Variants in CIB1 observed in about 807,000 individuals in gnomAD.
CIB1 encodes the protein calcium and integrin binding 1, also known as calcium and integrin-binding protein 1.
CIB1 carries 19 observed loss-of-function variants against 25.0 expected under a neutral mutation model. The ratio of observed to expected loss-of-function variants is 0.76; its 90% confidence interval spans 0.53 to 1.12. The LOEUF is 1.12. Among genes scored for constraint, CIB1 ranks in the 50% most tolerant of loss-of-function variants. CIB1 has a pLI of 0.00. For synonymous variants in CIB1, 104 were observed against 98.5 expected, an observed-to-expected ratio of 1.06 and a Z score of -0.33; for missense variants, 236 against 242.6, an observed-to-expected ratio of 0.97 and a Z score of 0.18.
the CIB1 span, chr15:90,262,199 G>T: frequency 1.3e-6 from 2 of 1,526,002 alleles, no homozygotes; most frequent in South Asian, 2.4e-5. Flanking sequence ...CAGGTACTTT[G>T]ACCGACATTC....
chr15:90,264,760 C>T, the CIB1 span: 1 of 1,536,112 alleles, frequency 6.5e-7, no homozygotes, highest in African/African-American at 1.4e-5. Flanking sequence ...TAAACCGAGT[C>T]CTGGCAGGAT....
upstream of CIB1, among the ~76,000 whole-genome samples, chr15:90,235,810 C>T (rs976440066): frequency 6.6e-6 from 1 of 152,028 alleles, no homozygotes; most frequent in Admixed American, 6.5e-5. Flanking sequence ...CCTCGTGATT[C>T]GCCCACCTCG....
chr15:90,249,544 C>G, the CIB1 span: 1 of 152,260 alleles, frequency 6.6e-6, no homozygotes, highest in Admixed American at 6.5e-5. Flanking sequence ...CGGCGGCGGC[C>G]ACGGGCTTGC....
chr15:90,232,558 C>T, intron 2 of CIB1: 1 of 524,574 alleles, frequency 1.9e-6, no homozygotes, highest in Non-Finnish European at 3.0e-6. Context: ...GTGCTTGGCA[C>T]TGATTCTAGA....
At position 90,230,274 on chromosome 15, in the gene CIB1, G is replaced by T; in HGVS notation, c.*210C>A. On this transcript the variant is annotated 3_prime_UTR_variant, in exon 7 of 7. Transcript: ENST00000328649. ...GTCAAACTTCTAAACCTTTATTACTGATTAGTACAAACACAAACGGAGCAA... is the reference window on the plus strand; with the variant it reads ...GTCAAACTTCTAAACCTTTATTACTTATTAGTACAAACACAAACGGAGCAA... 1 of 613,484 alleles carries T rather than the reference G, an allele frequency of 1.6e-6. No individual in the cohort carries two copies. The allele number at this position is 613,484 out of a possible 1,614,324, so 38.0% of individuals were successfully genotyped here. A position where few individuals can be genotyped will look rare whatever the true frequency, so the allele number is the denominator to read the frequency against.
the CIB1 span, chr15:90,240,816 A>G: frequency 4.3e-6 from 4 of 922,846 alleles, no homozygotes; most frequent in Non-Finnish European, 6.4e-6. Flanking sequence ...TCCATCTCAA[A>G]AAAAAAAATA....
intron 3 of CIB1, 30 bp downstream of exon 3, chr15:90,232,189 A>T (rs772241496): frequency 2.6e-6 from 4 of 1,548,890 alleles, no homozygotes; most frequent in Non-Finnish European, 3.6e-6. Flanking sequence ...GAGTGGTGGG[A>T]GAGGTGTCAA....
chr15:90,256,610 CTTCCTTCCTTCCTTCCTTCCTTCCT>C, the CIB1 span, among the ~76,000 whole-genome samples: 1 of 40,418 alleles, frequency 2.5e-5, no homozygotes. Context: ...TCTTTCTTTC[CTTCCTTCCTTCCTTCCTTCCTTCCT>C]TCCTTCTTTC....
At chr15:90,246,536 A>T in the CIB1 span, among the ~76,000 whole-genome samples, 2 of 151,908 alleles carry the variant, frequency 1.3e-5, no homozygotes, top group East Asian at 1.9e-4. Context: ...CTGTAATCCC[A>T]GCAGCACTTT....
At chr15:90,263,249 CA>C in the CIB1 span, 13 of 1,092,744 alleles carry the variant, frequency 1.2e-5, no homozygotes, top group East Asian at 3.1e-4. Context: ...TGGTATCTGT[CA>C]GTGGAGCCTG....
the CIB1 span, chr15:90,258,166 G>A: frequency 5.0e-6 from 8 of 1,614,084 alleles, no homozygotes; most frequent in East Asian, 4.5e-5. Context: ...CACAACTACC[G>A]AACCTGTTTT....
chr15:90,260,702 T>G, the CIB1 span, among the ~76,000 whole-genome samples: 3 of 151,196 alleles, frequency 2.0e-5, no homozygotes, highest in Non-Finnish European at 4.4e-5. Context: ...AATACAAAAA[T>G]TAGCTGGGCG....
the CIB1 span, chr15:90,265,348 T>G: frequency 1.6e-6 from 2 of 1,218,922 alleles, no homozygotes; most frequent in Non-Finnish European, 2.1e-6. Context: ...GCTGTCGCCG[T>G]CAGAAGACTG....
At position 90,230,234 on chromosome 15, in the gene CIB1, C is replaced by T. The variant is rs1207800999; in HGVS notation, c.*250G>A. ...AGTCCTTCCTCATACCAGTGTATCT[C>T]ATGTCACACATAGGGTCAAACTTCT... On this transcript the variant is annotated 3_prime_UTR_variant, in exon 7 of 7. Transcript: ENST00000328649. 1.8e-6 allele frequency: 1 copy of T among 566,396 alleles called. No homozygotes were observed. The highest frequency in any genetic ancestry group is 1.9e-5 in the African/African-American group (1 of 52,996). 35.1% of individuals were successfully genotyped at this position (566,396 alleles called of 1,614,324 possible). A position where few individuals can be genotyped will look rare whatever the true frequency, so the allele number is the denominator to read the frequency against.
the CIB1 span, chr15:90,263,127 A>G: frequency 6.5e-7 from 1 of 1,527,260 alleles, no homozygotes; most frequent in East Asian, 2.4e-5. Flanking sequence ...AGGGCCAGAA[A>G]AAACTTCATG....
chr15:90,262,714 T>C, the CIB1 span: 1 of 1,433,428 alleles, frequency 7.0e-7, no homozygotes, highest in Non-Finnish European at 9.1e-7. Context: ...GGAAAATGGG[T>C]TGGGACAACT....
the CIB1 span, among the ~76,000 whole-genome samples, chr15:90,249,040 A>G: frequency 6.6e-6 from 1 of 152,020 alleles, no homozygotes; most frequent in African/African-American, 2.4e-5. Context: ...TTTGCTAGCT[A>G]AACTTAGAGT....
At chr15:90,234,057 A>T (rs991209481), upstream of CIB1, 26 of 730,140 alleles carry the variant, frequency 3.6e-5, no homozygotes, top group African/African-American at 4.5e-4. Context: ...CGGGTTTGGC[A>T]GGCGAGCTGC....
At chr15:90,234,086 G>T (rs920597755), upstream of CIB1, 5 of 501,788 alleles carry the variant, frequency 1.0e-5, no homozygotes, top group Non-Finnish European at 1.6e-5. Context: ...AGCGGTCCTA[G>T]GCGAGCTGGA....
Sources: allele counts gnomAD v4.1 joint callset (sites outside exome capture counted in the v4.1 genomes callset), GRCh38; gene constraint gnomAD v4.1.1; transcripts MANE v1.5; gene names NCBI Gene and HGNC (gene_info 2026-07-23, HGNC 2026-07-21).